The following FYB1 variants were observed in gnomAD, a reference collection of about 807,000 sequenced individuals.
FYB1 encodes FYN binding protein 1.
In FYB1, 41 loss-of-function variants were observed where a neutral mutation model predicts 94.1. The observed-to-expected ratio is 0.44, with a 90% CI of 0.34 to 0.57. The LOEUF (loss-of-function observed/expected upper bound fraction) is 0.57, where lower values mean the gene tolerates loss of function less well. FYB1 is among the 20% of genes least tolerant of loss of function. The probability of loss-of-function intolerance (pLI) is 0.02; values close to 1 mark genes in which losing one functional copy is unlikely to be tolerated. For missense variants in FYB1, 1,050 were observed against 976.8 expected (o/e 1.07, Z -1.00); for synonymous variants, 367 against 353.2 (o/e 1.04, Z -0.44).
chr5:39,115,919 A>C (rs1739521846), intron 16 of FYB1, among the ~76,000 whole-genome samples: 1 of 152,128 alleles, frequency 6.6e-6, no homozygotes, highest in African/African-American at 2.4e-5. Context: ...TGCATTTAAA[A>C]ATTTTTTCAC....
intron 1 of FYB1, among the ~76,000 whole-genome samples, chr5:39,217,547 G>T (rs1042317215): frequency 8.5e-5 from 13 of 152,104 alleles, no homozygotes; most frequent in Non-Finnish European, 1.5e-5. Flanking sequence ...GCTTTTCAGG[G>T]ATCACCTCAA....
chr5:39,147,517 A>C (rs1005511562), intron 3 of FYB1, among the ~76,000 whole-genome samples: 69 of 151,250 alleles, frequency 4.6e-4, no homozygotes, highest in African/African-American at 1.7e-3. Flanking sequence ...TTTAAAATAC[A>C]ATATAACTTT....
rs568530367 is a variant in FYB1, at chr5:39,153,471, G to A, written c.1269C>T (p.Asn423=). 2 of 1,613,918 alleles carry A rather than the reference G, an allele frequency of 1.2e-6. No homozygotes were observed. The highest frequency in any genetic ancestry group is 2.2e-5 in the East Asian group (1 of 44,872). Reference sequence around the variant, plus strand: ...ACTTTAGGTCAAACGGAGGTTTAATGTTTCTGGGAGGTAGGCTTGGGACTG... The same window carrying A: ...ACTTTAGGTCAAACGGAGGTTTAATATTTCTGGGAGGTAGGCTTGGGACTG... ...QPPVPSLPPR[N]IKPPFDLKSP... is the part of the protein sequence containing the mutation. Residue 423 remains asparagine (N), a synonymous_variant, in exon 3 of 19, where the codon AAC becomes AAT. Coordinates refer to ENST00000512982, the MANE Select transcript of FYB1 (RefSeq NM_001465.6).
intron 2 of FYB1, among the ~76,000 whole-genome samples, chr5:39,185,523 A>ATAT (rs1554034728): frequency 1.0e-4 from 14 of 135,918 alleles, no homozygotes; most frequent in African/African-American, 3.3e-4. Context: ...GACTAAAAAA[A>ATAT]AAATATATAT....
intron 1 of FYB1, chr5:39,270,570 A>G (rs1373769592): frequency 6.5e-7 from 1 of 1,535,028 alleles, no homozygotes; most frequent in Non-Finnish European, 8.7e-7. Context: ...ATTACTTACC[A>G]TTTTTATTGA....
chr5:39,184,802 T>C (rs1746595814), intron 2 of FYB1, among the ~76,000 whole-genome samples: 1 of 152,180 alleles, frequency 6.6e-6, no homozygotes, highest in South Asian at 2.1e-4. Context: ...AGATCACTTG[T>C]TGGATACAGG....
upstream of FYB1, among the ~76,000 whole-genome samples, chr5:39,222,826 C>G (rs1750325735): frequency 1.3e-5 from 2 of 152,012 alleles, no homozygotes; most frequent in African/African-American, 4.8e-5. Flanking sequence ...AAAATTTGTG[C>G]AGTAATATTA....
At chr5:39,263,060 AGTATATGAGCATTTGTTGTATTATGT>A (rs1165442136) in intron 1 of FYB1, among the ~76,000 whole-genome samples, 1 of 152,206 alleles carries the variant, frequency 6.6e-6, no homozygotes, top group Non-Finnish European at 1.5e-5. Context: ...GTAGGTTGTG[AGTATATGAGCATTTGTTGTATTATGT>A]GTTTCATAAT....
chr5:39,175,524 C>CA (rs1745641343), intron 2 of FYB1, among the ~76,000 whole-genome samples: 2 of 152,134 alleles, frequency 1.3e-5, no homozygotes, highest in Admixed American at 6.5e-5. Flanking sequence ...AGAGAAGTGA[C>CA]AAAACTTGCT....
At chr5:39,147,490 G>T (rs1437674850) in intron 3 of FYB1, among the ~76,000 whole-genome samples, 5 of 141,012 alleles carry the variant, frequency 3.5e-5, no homozygotes, top group African/African-American at 1.3e-4. Flanking sequence ...GTGTGTGTCT[G>T]TGTGTGTGTA....
intron 1 of FYB1, among the ~76,000 whole-genome samples, chr5:39,249,592 T>C (rs1751630121): frequency 2.5e-5 from 2 of 79,204 alleles, no homozygotes. Context: ...GGGTGAGAGA[T>C]GCAAAACTAT....
At position 39,244,152 on chromosome 5, in the gene FYB1, G is replaced by T. The variant is rs191990996; in HGVS notation, c.-28+30251C>A. Among the ~76,000 whole-genome samples, 703 of 152,072 alleles carry T rather than the reference G, an allele frequency of 4.6e-3. 6 individuals are homozygous for T. The highest frequency in any genetic ancestry group is 0.014 in the African/African-American group (599 of 41,412). On this transcript the variant is annotated intron_variant, in intron 1 of 1. Transcript: ENST00000510188. ...CTTTATTTCTTTCTTCTGCCTGATTGCCTTGGCCAGAACTTCCAACACTAT... is the reference window on the plus strand; with the variant it reads ...CTTTATTTCTTTCTTCTGCCTGATTTCCTTGGCCAGAACTTCCAACACTAT...
chr5:39,134,740 C>G (rs1372498803), intron 8 of FYB1, 115 bp downstream of exon 8: 1 of 1,047,244 alleles, frequency 9.5e-7, no homozygotes, highest in Non-Finnish European at 1.4e-6. Context: ...CTCCCTTTGT[C>G]CACTCTGTAA....
chr5:39,172,733 G>A (rs1012343558), intron 2 of FYB1, among the ~76,000 whole-genome samples: 4 of 152,140 alleles, frequency 2.6e-5, no homozygotes, highest in Admixed American at 2.0e-4. Flanking sequence ...GTTCGCTTAG[G>A]ATAGTGACCT....
At chr5:39,254,810 A>G (rs916149886) in intron 1 of FYB1, among the ~76,000 whole-genome samples, 68 of 152,196 alleles carry the variant, frequency 4.5e-4, no homozygotes, top group Admixed American at 4.5e-3. Flanking sequence ...GGACACACCA[A>G]ATCAAGAGGG....
At chr5:39,155,627 A>G (rs972820212) in intron 2 of FYB1, among the ~76,000 whole-genome samples, 5 of 152,286 alleles carry the variant, frequency 3.3e-5, no homozygotes, top group Middle Eastern at 3.4e-3. Flanking sequence ...TAATTTGAGA[A>G]CAGATAATTA....
At chr5:39,208,722 T>G (rs1749077434) in intron 1 of FYB1, 1 of 152,184 alleles carries the variant, frequency 6.6e-6, no homozygotes, top group South Asian at 2.1e-4. Context: ...GAAGACGGTG[T>G]GCTGGTTAGG....
chr5:39,251,314 A>ACTAGGGTATTTAATTACC (rs1465734821), intron 1 of FYB1, among the ~76,000 whole-genome samples: 1 of 152,232 alleles, frequency 6.6e-6, no homozygotes, highest in African/African-American at 2.4e-5. Flanking sequence ...TATAGACCAC[A>ACTAGGGTATTTAATTACC]CTAGGGGAAA....
At chr5:39,165,827 A>C (rs28780711) in intron 2 of FYB1, among the ~76,000 whole-genome samples, 5,562 of 152,310 alleles carry the variant, frequency 0.037, 346 homozygotes, top group African/African-American at 0.13. Flanking sequence ...CATTGAACAG[A>C]TATTTTTCAA....
Sources: allele counts gnomAD v4.1 joint callset (sites outside exome capture counted in the v4.1 genomes callset), GRCh38; gene constraint gnomAD v4.1.1; transcripts MANE v1.5; gene names NCBI Gene and HGNC (gene_info 2026-07-23, HGNC 2026-07-21).